NTSR1: variants seen among roughly 807,000 people sequenced by gnomAD.
The protein encoded by NTSR1 is neurotensin receptor type 1.
A neutral mutation model predicts 31.2 loss-of-function variants in NTSR1; 29 were observed. The ratio of observed to expected loss-of-function variants is 0.93; its 90% CI spans 0.69 to 1.27. The LOEUF (loss-of-function observed/expected upper bound fraction) is 1.27, where lower values mean the gene tolerates loss of function less well. Among genes scored for constraint, NTSR1 ranks in the 50% most tolerant of loss-of-function variants. The probability of loss-of-function intolerance (pLI) is 0.00; values close to 1 mark genes in which losing one functional copy is unlikely to be tolerated. For missense variants in NTSR1, 697 were observed against 595.4 expected (o/e 1.17, Z -1.78); for synonymous variants, 282 against 269.9 (o/e 1.04, Z -0.44).
chr20:62,712,785 A>G (rs992041473), intron 1 of NTSR1, among the ~76,000 whole-genome samples: 3 of 152,146 alleles, frequency 2.0e-5, no homozygotes, highest in African/African-American at 7.2e-5. Flanking sequence ...TGCTTCTTGG[A>G]TGGTCCCCCA....
At chr20:62,710,688 G>T (rs1988592051) in intron 1 of NTSR1, among the ~76,000 whole-genome samples, 1 of 152,196 alleles carries the variant, frequency 6.6e-6, no homozygotes, top group Admixed American at 6.5e-5. Flanking sequence ...CGGGTGGGAA[G>T]CCCCCTTGGG....
rs577676562 is a variant in NTSR1 at position 62,760,997 on chromosome 20, C to G, written c.*730C>G. The G allele has an allele frequency of 6.6e-6, 1 of 152,620 alleles. No individual in the cohort carries two copies. The highest frequency in any genetic ancestry group is 2.1e-4 in the South Asian group (1 of 4,830). 9.5% of individuals were successfully genotyped at this position (152,620 alleles called of 1,614,324 possible). ...TCCCCTCCTCCCTCCCATCCTCACCCAGGCCAAGGCCCAGGGGCTCTGCCA... is the reference window on the plus strand; with the variant it reads ...TCCCCTCCTCCCTCCCATCCTCACCGAGGCCAAGGCCCAGGGGCTCTGCCA... On this transcript the variant is annotated 3_prime_UTR_variant, in exon 4 of 4. Transcript: ENST00000370501.
chr20:62,759,866 T>G (rs957958602), intron 3 of NTSR1, 152 bp from the exon 4 acceptor site: 1 of 742,368 alleles, frequency 1.3e-6, no homozygotes. Flanking sequence ...CTGGAGCTTG[T>G]TATGAAATGT....
intron 1 of NTSR1, among the ~76,000 whole-genome samples, chr20:62,747,454 G>A (rs1433832736): frequency 8.1e-6 from 1 of 124,128 alleles, no homozygotes; most frequent in Non-Finnish European, 1.6e-5. Flanking sequence ...CAGACCCACA[G>A]CTAACACCAC....
At chr20:62,731,492 T>G (rs1374479297) in intron 1 of NTSR1, among the ~76,000 whole-genome samples, 1 of 152,244 alleles carries the variant, frequency 6.6e-6, no homozygotes, top group Non-Finnish European at 1.5e-5. Flanking sequence ...ACCTAGATTT[T>G]ATACCCAAGA....
chr20:62,725,471 C>T (rs1423302951), intron 1 of NTSR1, among the ~76,000 whole-genome samples: 1 of 152,212 alleles, frequency 6.6e-6, no homozygotes, highest in African/African-American at 2.4e-5. Context: ...CTCCCCCCCG[C>T]TGCCTTCCGG....
At chr20:62,754,103 G>A (rs1989438243) in intron 1 of NTSR1, among the ~76,000 whole-genome samples, 1 of 152,212 alleles carries the variant, frequency 6.6e-6, no homozygotes, top group Non-Finnish European at 1.5e-5. Context: ...CTAGAGGTGG[G>A]GAGTGGGGGC....
chr20:62,757,272 A>C (rs1414790407), intron 2 of NTSR1, among the ~76,000 whole-genome samples: 1 of 152,214 alleles, frequency 6.6e-6, no homozygotes, highest in Non-Finnish European at 1.5e-5. Flanking sequence ...GGGAGGATCC[A>C]CCTTCATACA....
intron 1 of NTSR1, among the ~76,000 whole-genome samples, chr20:62,717,225 G>A (rs1988746561): frequency 2.0e-5 from 3 of 152,246 alleles, no homozygotes; most frequent in Admixed American, 2.0e-4. Context: ...GGAGAGGGGA[G>A]GTGCCCAGCA....
At chr20:62,750,559 C>A (rs907029368) in intron 1 of NTSR1, among the ~76,000 whole-genome samples, 1 of 151,924 alleles carries the variant, frequency 6.6e-6, no homozygotes, top group Non-Finnish European at 1.5e-5. Flanking sequence ...GGCATGGTGG[C>A]GGGCGCCTGT....
chr20:62,709,583 A>G lies in NTSR1; in HGVS notation c.376A>G (p.Asn126Asp), dbSNP rs1279813089. The part of the protein sequence containing the change: ...LLLAMPVELY[N>D]FIWVHHPWAF... ...GCTGGCCATGCCCGTGGAGCTGTACAACTTCATCTGGGTGCACCACCCCTG... is the reference window on the plus strand; with the variant it reads ...GCTGGCCATGCCCGTGGAGCTGTACGACTTCATCTGGGTGCACCACCCCTG... The change falls in exon 1 of 4, where the codon AAC becomes GAC. Residue 126 changes from asparagine to aspartate, a missense_variant. By Grantham distance (23) the Asn-to-Asp change is conservative. Coordinates refer to ENST00000370501, the MANE Select transcript of NTSR1 (RefSeq NM_002531.3). The G allele has an allele frequency of 3.1e-6, 5 of 1,611,624 alleles. No homozygotes were observed. Among genetic ancestry groups the G allele is most frequent in the Non-Finnish European group, 4.2e-6 (5 of 1,179,870 alleles).
rs1180427770 is a variant in NTSR1 at position 62,716,782 on chromosome 20, CCTGACCAGG to C, written c.714+6865_714+6873del. Among the ~76,000 whole-genome samples the C allele has an allele frequency of 3.2e-4, 49 of 152,214 alleles. 1 individual carries two copies. The highest frequency in any genetic ancestry group is 7.3e-5 in the Non-Finnish European group (5 of 68,036). On this transcript the variant is annotated intron_variant, in intron 1 of 3. Transcript: ENST00000370501. ...CCCCCATCCCGGCAGCCCCTCGCTC[CCTGACCAGG>C]CTGCTGCCTGCACGAGGCTAGCTCT... is the stretch of plus-strand genomic sequence containing the variant.
At chr20:62,757,816 T>C (rs954469500) in intron 2 of NTSR1, among the ~76,000 whole-genome samples, 1 of 152,018 alleles carries the variant, frequency 6.6e-6, no homozygotes, top group African/African-American at 2.4e-5. Context: ...CTGTGTCCTG[T>C]CTCTGAGCCT....
chr20:62,724,942 G>C (rs992447226), intron 1 of NTSR1, among the ~76,000 whole-genome samples: 9 of 152,110 alleles, frequency 5.9e-5, no homozygotes, highest in African/African-American at 2.2e-4. Flanking sequence ...GGCCCACTCC[G>C]ATCCAGGATG....
rs911691715 is a variant in NTSR1 at position 62,711,918 on chromosome 20, T to C, written c.714+1997T>C. Among the ~76,000 whole-genome samples the C allele has an allele frequency of 6.6e-6, 1 of 152,214 alleles. No individual in the cohort carries two copies. Among genetic ancestry groups the C allele is most frequent in the Non-Finnish European group, 1.5e-5 (1 of 68,032 alleles). ...GCAGAGGCCTGTGACGTATCAACCG[T>C]AGGACAGCGGCCCCACGCCCTGCAG... On this transcript the variant is annotated intron_variant, in intron 1 of 3. Transcript: ENST00000370501. The surrounding 1 kb of genome is among the most constrained non-coding windows in gnomAD (Gnocchi z 6.4).
rs2147139438 is a variant in NTSR1 at position 62,733,723 on chromosome 20, G to A, written c.715-20962G>A. ...AGAAACAGAGGGAGAAACACAAAGA[G>A]AGGGAGAGAAGGAGAGAGAGACACA... is the stretch of plus-strand genomic sequence containing the variant. On this transcript the variant is annotated intron_variant, in intron 1 of 3. Coordinates refer to ENST00000370501, the MANE Select transcript of NTSR1 (RefSeq NM_002531.3). The surrounding 1 kb of genome is among the most constrained non-coding windows in gnomAD (Gnocchi z 5.2). Among the ~76,000 whole-genome samples, 2 of 151,538 alleles carry A rather than the reference G, an allele frequency of 1.3e-5. No homozygotes were observed. The highest frequency in any genetic ancestry group is 4.2e-4 in the South Asian group (2 of 4,786).
chr20:62,726,933 G>C (rs564156789), intron 1 of NTSR1, among the ~76,000 whole-genome samples: 6 of 152,300 alleles, frequency 3.9e-5, no homozygotes, highest in Non-Finnish European at 7.4e-5. Context: ...ACCAGGTGAC[G>C]GCAGGTGCAC....
In NTSR1 at chr20:62,758,807, A is replaced by G. The variant is rs957625180; in HGVS notation, c.1007+451A>G. Reference sequence around the variant, plus strand: ...TGACAAAGCTTTGCTTATACAGCAAAGTCAGCAAAGGGAAAAGACACATGG... The same window carrying G: ...TGACAAAGCTTTGCTTATACAGCAAGGTCAGCAAAGGGAAAAGACACATGG... On this transcript the variant is annotated intron_variant, in intron 3 of 3. Coordinates refer to ENST00000370501, the MANE Select transcript of NTSR1 (RefSeq NM_002531.3). The surrounding 1 kb of genome is among the most constrained non-coding windows in gnomAD (Gnocchi z 4.5). Among the ~76,000 whole-genome samples, 1 of 152,320 alleles carries G rather than the reference A, an allele frequency of 6.6e-6. No individual in the cohort carries two copies. Among genetic ancestry groups the G allele is most frequent in the African/African-American group, 2.4e-5 (1 of 41,568 alleles).
At chr20:62,754,598 C>A in intron 1 of NTSR1, 87 bp from the exon 2 acceptor site, 1 of 1,090,078 alleles carries the variant, frequency 9.2e-7, no homozygotes. Context: ...GCAGGCCTGA[C>A]ACCCCAATCA....
Sources: gnomAD v4.1 joint callset for allele counts (sites outside exome capture counted in the v4.1 genomes callset) on GRCh38, gnomAD v4.1.1 for gene constraint, Gnocchi (gnomAD v3.1) non-coding constraint, MANE v1.5 for transcripts, NCBI Gene and HGNC (gene_info 2026-07-23, HGNC 2026-07-21) for gene names.